The following FAM240B variants were observed in gnomAD, a reference collection of about 807,000 sequenced individuals.
FAM240B encodes the protein family with sequence similarity 240 member B.
At chr9:38,707,218 C>T (rs1431971164) in intron 1 of FAM240B, among the ~76,000 whole-genome samples, 1 of 152,134 alleles carries the variant, frequency 6.6e-6, no homozygotes, top group Non-Finnish European at 1.5e-5. Flanking sequence ...TTGAAATGCT[C>T]TTCTTTTCTC....
At chr9:38,702,562 C>T (rs1360169253) in intron 2 of FAM240B, among the ~76,000 whole-genome samples, 2 of 152,168 alleles carry the variant, frequency 1.3e-5, no homozygotes, top group African/African-American at 4.8e-5. Context: ...TTGAGCTGAT[C>T]CTTCTGCTCC....
intron 2 of FAM240B, among the ~76,000 whole-genome samples, 200 bp from the exon 3 acceptor site, chr9:38,695,069 T>C (rs1301526171): frequency 2.6e-5 from 4 of 152,186 alleles, no homozygotes; most frequent in Admixed American, 2.6e-4. Context: ...TCTTTTCCTA[T>C]GTTAAGGGGA....
At chr9:38,714,156 G>A (rs182077009) in intron 1 of FAM240B, among the ~76,000 whole-genome samples, 100 of 152,230 alleles carry the variant, frequency 6.6e-4, no homozygotes, top group Admixed American at 2.1e-3. Context: ...CCCAAAGAAT[G>A]AATTCAAATT....
At chr9:38,706,661 G>A (rs1233167414) in intron 1 of FAM240B, among the ~76,000 whole-genome samples, 1 of 152,116 alleles carries the variant, frequency 6.6e-6, no homozygotes, top group Non-Finnish European at 1.5e-5. Context: ...GTCACCTTCT[G>A]CAGTCTGCCA....
rs1026514296 is a variant in FAM240B at position 38,695,473 on chromosome 9, T to A, written c.144-604A>T. Among the ~76,000 whole-genome samples the A allele has an allele frequency of 3.3e-5, 5 of 152,158 alleles. No homozygotes were observed. In the South Asian group the frequency reaches 6.2e-4, roughly 19 times the overall value. ...CTGGGAGGTGGAGCTTGCAGTGAGC[T>A]GAGATCGTGCCACTGCACTCCAGCC... On this transcript the variant is annotated intron_variant, in intron 2 of 2. Coordinates refer to ENST00000637493, the MANE Select transcript of FAM240B (RefSeq NM_001394922.1).
chr9:38,702,891 T>C (rs1194253428), intron 2 of FAM240B, among the ~76,000 whole-genome samples: 2 of 152,222 alleles, frequency 1.3e-5, no homozygotes, highest in Non-Finnish European at 2.9e-5. Context: ...CAGATTGTTT[T>C]AGTTTATCAA....
At chr9:38,715,124 A>G (rs984748918) in intron 1 of FAM240B, among the ~76,000 whole-genome samples, 2 of 152,234 alleles carry the variant, frequency 1.3e-5, no homozygotes, top group African/African-American at 4.8e-5. Flanking sequence ...CCATCAGCAG[A>G]CAGGAATTAA....
At chr9:38,697,390 T>G (rs899674116) in intron 2 of FAM240B, among the ~76,000 whole-genome samples, 3 of 152,198 alleles carry the variant, frequency 2.0e-5, no homozygotes, top group African/African-American at 7.2e-5. Context: ...GACTCCCCAT[T>G]ACTCTGGCCA....
At chr9:38,719,655 C>CA (rs1224727112) in intron 1 of FAM240B, among the ~76,000 whole-genome samples, 1 of 152,172 alleles carries the variant, frequency 6.6e-6, no homozygotes, top group Non-Finnish European at 1.5e-5. Flanking sequence ...CCAGCATCTA[C>CA]AATGAACATT....
chr9:38,714,215 C>T (rs897783960), intron 1 of FAM240B, among the ~76,000 whole-genome samples: 3 of 152,138 alleles, frequency 2.0e-5, no homozygotes, highest in Non-Finnish European at 2.9e-5. Context: ...ACAACTATTA[C>T]TTTCAGAAGA....
Position 38,694,741 on chromosome 9 carries a change from C to T in FAM240B, c.*35G>A, listed in dbSNP as rs1024683126. 2.5e-6 allele frequency: 1 copy of T among 398,582 alleles called. No homozygotes were observed. Among genetic ancestry groups the T allele is most frequent in the Non-Finnish European group, 4.4e-6 (1 of 226,064 alleles). The allele number at this position is 398,582 out of a possible 1,614,324, so 24.7% of individuals were successfully genotyped here. On this transcript the variant is annotated 3_prime_UTR_variant, in exon 3 of 3. Coordinates refer to ENST00000637493, the MANE Select transcript of FAM240B (RefSeq NM_001394922.1). ...TTTTTTTCCCCTAGAAAAGTGGTCG[C>T]TTGCTATCTTTGAAGTCGGTGAGGC...
At chr9:38,715,547 G>A (rs970130042) in intron 1 of FAM240B, among the ~76,000 whole-genome samples, 1 of 152,220 alleles carries the variant, frequency 6.6e-6, no homozygotes, top group Non-Finnish European at 1.5e-5. Flanking sequence ...AACAGACACT[G>A]CCACTCAACT....
chr9:38,717,252 C>T (rs753449796), intron 1 of FAM240B, among the ~76,000 whole-genome samples: 6 of 152,068 alleles, frequency 3.9e-5, no homozygotes, highest in Non-Finnish European at 8.8e-5. Flanking sequence ...ATCATTTATT[C>T]AAAGAAAATC....
rs1357495431 is a variant in FAM240B, at chr9:38,694,490, A to G, written c.*286T>C. Reference sequence around the variant, plus strand: ...AGGAAATGTGGAAATATACTAGGCTACATGGGTCTGTGAGACCTGGAGAGT... The same window carrying G: ...AGGAAATGTGGAAATATACTAGGCTGCATGGGTCTGTGAGACCTGGAGAGT... On this transcript the variant is annotated 3_prime_UTR_variant, in exon 3 of 3. Coordinates refer to ENST00000637493, the MANE Select transcript of FAM240B (RefSeq NM_001394922.1). 3.4e-6 allele frequency: 1 copy of G among 295,238 alleles called. No homozygotes were observed. Among genetic ancestry groups the G allele is most frequent in the East Asian group, 5.5e-5 (1 of 18,154 alleles). The allele number at this position is 295,238 out of a possible 1,614,324, so 18.3% of individuals were successfully genotyped here. A position where few individuals can be genotyped will look rare whatever the true frequency, so the allele number is the denominator to read the frequency against.
At chr9:38,716,472 T>TAAATAAATA (rs1821303882) in intron 1 of FAM240B, among the ~76,000 whole-genome samples, 1 of 150,818 alleles carries the variant, frequency 6.6e-6, no homozygotes, top group Non-Finnish European at 1.5e-5. Flanking sequence ...ACTCCGCTCT[T>TAAATAAATA]AAATAAAATA....
intron 2 of FAM240B, among the ~76,000 whole-genome samples, chr9:38,697,981 TTGAAATATAGCCC>T (rs1298836135): frequency 6.6e-6 from 1 of 152,254 alleles, no homozygotes; most frequent in African/African-American, 2.4e-5. Flanking sequence ...TAAGGTTTTA[TTGAAATATAGCCC>T]TGCCCACTTG....
At chr9:38,696,462 G>T (rs1239328489) in intron 2 of FAM240B, among the ~76,000 whole-genome samples, 7 of 152,202 alleles carry the variant, frequency 4.6e-5, no homozygotes, top group African/African-American at 1.7e-4. Context: ...CGGGCCTGTT[G>T]CTGGGTGGTG....
At chr9:38,710,630 C>T (rs1290955664) in intron 1 of FAM240B, among the ~76,000 whole-genome samples, 3 of 152,138 alleles carry the variant, frequency 2.0e-5, no homozygotes. Context: ...TGAAACTCAG[C>T]CCTGCAACGA....
chr9:38,717,303 G>C (rs529129161), intron 1 of FAM240B, among the ~76,000 whole-genome samples: 273 of 152,230 alleles, frequency 1.8e-3, no homozygotes, highest in African/African-American at 5.9e-3. Context: ...AGTTTTGGCC[G>C]GGCGCAGTGG....
Sources: allele counts gnomAD v4.1 joint callset (sites outside exome capture counted in the v4.1 genomes callset), GRCh38; gene constraint gnomAD v4.1.1; transcripts MANE v1.5; gene names NCBI Gene and HGNC (gene_info 2026-07-23, HGNC 2026-07-21).